UGT1A7: variants seen among roughly 807,000 people sequenced by gnomAD.
UGT1A7 encodes UDP glucuronosyltransferase family 1 member A7.
In UGT1A7, 33 loss-of-function variants were observed where a neutral mutation model predicts 45.6. The ratio of observed to expected loss-of-function variants is 0.72; its 90% CI spans 0.55 to 0.97. The LOEUF (loss-of-function observed/expected upper bound fraction) is 0.97, where lower values mean the gene tolerates loss of function less well. Ranked by LOEUF, UGT1A7 falls within the 50% of genes least tolerant of loss-of-function variation. UGT1A7 has a pLI of 0.00. For synonymous variants in UGT1A7, 274 were observed against 250.6 expected (o/e 1.09, Z -0.88); for missense variants, 684 against 666.2 (o/e 1.03, Z -0.29).
In UGT1A7 at chr2:233,769,590, G is replaced by A; in HGVS notation, c.1295+1151G>A. On this transcript the variant is annotated intron_variant, in intron 4 of 4. Coordinates refer to ENST00000373426, the MANE Select transcript of UGT1A7 (RefSeq NM_019077.3). This position sits in a 1 kb window ranked among gnomAD's most constrained non-coding sequence, Gnocchi z 4.4. Reference sequence around the variant, plus strand: ...GCTGGAGCATGTTCAGATGAGAGGAGACGGAACACGGGGACACACCAGCTT... The same window carrying A: ...GCTGGAGCATGTTCAGATGAGAGGAAACGGAACACGGGGACACACCAGCTT... 6.2e-7 allele frequency: 1 copy of A among 1,612,882 alleles called. No individual in the cohort carries two copies. Among genetic ancestry groups the A allele is most frequent in the African/African-American group, 1.3e-5 (1 of 75,046 alleles).
At chr2:233,717,755 A>G in intron 1 of UGT1A7, 1 of 456,600 alleles carries the variant, frequency 2.2e-6, no homozygotes, top group South Asian at 1.5e-5. Flanking sequence ...CTCCCCCTAG[A>G]AAGGCACACA....
intron 1 of UGT1A7, among the ~76,000 whole-genome samples, chr2:233,711,891 A>G (rs2076202856): frequency 6.6e-6 from 1 of 152,204 alleles, no homozygotes; most frequent in Non-Finnish European, 1.5e-5. Context: ...GACGAGTCTC[A>G]TGGGCGTGAG....
chr2:233,764,867 GCC>G (rs779119414), intron 1 of UGT1A7, among the ~76,000 whole-genome samples: 19,818 of 152,112 alleles, frequency 0.13, 1,414 homozygotes, highest in East Asian at 0.2. Flanking sequence ...TTTTAGATGA[GCC>G]CAAGGGAAAA....
At chr2:233,747,948 G>T in intron 1 of UGT1A7, 1 of 1,613,450 alleles carries the variant, frequency 6.2e-7, no homozygotes, top group South Asian at 1.1e-5. Flanking sequence ...GGTGTCAGTG[G>T]TGGATCTTCT....
At chr2:233,713,944 A>G (rs2076357892) in intron 1 of UGT1A7, 2 of 1,609,792 alleles carry the variant, frequency 1.2e-6, no homozygotes, top group East Asian at 2.2e-5. Flanking sequence ...TTCCATATCT[A>G]CTTATCTTTC....
At position 233,768,743 on chromosome 2, in the gene UGT1A7, C is replaced by T. The variant is rs540797215; in HGVS notation, c.1295+304C>T. Among the ~76,000 whole-genome samples the T allele has an allele frequency of 5.3e-5, 8 of 151,788 alleles. No homozygotes were observed. In the South Asian group the frequency reaches 1.3e-3, roughly 24 times the overall value. On this transcript the variant is annotated intron_variant, in intron 4 of 4. Coordinates refer to ENST00000373426, the MANE Select transcript of UGT1A7 (RefSeq NM_019077.3). ...GATTACAGGTGTCCACCACCACGCC[C>T]GGTTAATTTTTGTATTTTTTAGTAG...
At chr2:233,738,344 C>T (rs187057968) in intron 1 of UGT1A7, among the ~76,000 whole-genome samples, 43 of 152,222 alleles carry the variant, frequency 2.8e-4, no homozygotes, top group African/African-American at 1.0e-3. Flanking sequence ...AAATTGGTGT[C>T]ATGGAGAGTG....
chr2:233,711,003 C>T (rs1366862423), intron 1 of UGT1A7, among the ~76,000 whole-genome samples: 1 of 152,174 alleles, frequency 6.6e-6, no homozygotes, highest in African/African-American at 2.4e-5. Context: ...CTATTGGATG[C>T]CTTTTTCTAT....
intron 1 of UGT1A7, among the ~76,000 whole-genome samples, chr2:233,745,661 A>G (rs1429589845): frequency 6.6e-6 from 1 of 151,454 alleles, no homozygotes; most frequent in East Asian, 1.9e-4. Context: ...CAGTGTGAAC[A>G]AAGCAATTTG....
At chr2:233,719,293 G>C (rs149433426) in intron 1 of UGT1A7, 125 of 1,613,828 alleles carry the variant, frequency 7.7e-5, no homozygotes, top group African/African-American at 2.0e-4. Context: ...AACCTCTGTG[G>C]GGCGGTGCTG....
intron 1 of UGT1A7, among the ~76,000 whole-genome samples, chr2:233,745,915 C>T (rs1264125490): frequency 5.3e-5 from 8 of 151,156 alleles, no homozygotes; most frequent in Admixed American, 5.3e-4. Flanking sequence ...GCAGCTGAGG[C>T]AGTGATTCAG....
rs192599700 is a variant in UGT1A7, at chr2:233,747,215, T to C, written c.856-19819T>C. 3.6e-4 allele frequency: 574 copies of C among 1,605,522 alleles called. 5 individuals are homozygous for C. In the East Asian group the frequency reaches 0.012, roughly 33 times the overall value. On this transcript the variant is annotated intron_variant, in intron 1 of 4. Coordinates refer to ENST00000373426, the MANE Select transcript of UGT1A7 (RefSeq NM_019077.3). ...CAGCTGTCCGTGTCTTCTGCTGAGA[T>C]GGCCACAGGACCCCAGGTTCCCCTG...
chr2:233,718,848 C>A, intron 1 of UGT1A7: 1 of 1,613,708 alleles, frequency 6.2e-7, no homozygotes, highest in Non-Finnish European at 8.5e-7. Flanking sequence ...GGTTCCCCTG[C>A]CGCGGCTGGC....
At position 233,729,155 on chromosome 2, in the gene UGT1A7, C is replaced by T. The variant is rs754518469; in HGVS notation, c.856-37879C>T. The T allele has an allele frequency of 1.4e-5, 23 of 1,613,596 alleles. No homozygotes were observed. The highest frequency in any genetic ancestry group is 5.0e-5 in the Admixed American group (3 of 60,022). On this transcript the variant is annotated intron_variant, in intron 1 of 4. Coordinates refer to ENST00000373426, the MANE Select transcript of UGT1A7 (RefSeq NM_019077.3). ...GCCACAGGACTCCAGGTTCCCCTGC[C>T]GTGGCTGGCCACAGGACTGCTGCTT...
chr2:233,717,187 C>T (rs922401746), intron 1 of UGT1A7, among the ~76,000 whole-genome samples: 12 of 152,214 alleles, frequency 7.9e-5, no homozygotes, highest in Admixed American at 2.6e-4. Flanking sequence ...AGCACCCTCC[C>T]AGGCATGTTC....
chr2:233,697,327 T>C (rs960818625), intron 1 of UGT1A7, among the ~76,000 whole-genome samples: 1 of 152,152 alleles, frequency 6.6e-6, no homozygotes, highest in Non-Finnish European at 1.5e-5. Context: ...TGTTTGGAAA[T>C]GTATCCATTT....
rs753419237 is a variant in UGT1A7, at chr2:233,719,511, T to C, written c.855+36719T>C. The C allele has an allele frequency of 5.6e-6, 9 of 1,613,954 alleles. No individual in the cohort carries two copies. The South Asian group carries it at 8.8e-5, about 16-fold the overall frequency. On this transcript the variant is annotated intron_variant, in intron 1 of 4. Coordinates refer to ENST00000373426, the MANE Select transcript of UGT1A7 (RefSeq NM_019077.3). ...CATTTGCCATACTTTTTCTGCCCCTTATGCAAGTCTTGCCTCTGAGCTTTT... is the reference window on the plus strand; with the variant it reads ...CATTTGCCATACTTTTTCTGCCCCTCATGCAAGTCTTGCCTCTGAGCTTTT...
intron 1 of UGT1A7, among the ~76,000 whole-genome samples, chr2:233,703,752 G>A (rs1363536949): frequency 2.6e-5 from 4 of 151,892 alleles, no homozygotes; most frequent in Admixed American, 1.3e-4. Flanking sequence ...AATCTCAAAT[G>A]TATCTTCTGC....
intron 1 of UGT1A7, chr2:233,693,831 G>A (rs1277400223): frequency 1.2e-6 from 2 of 1,614,178 alleles, no homozygotes; most frequent in Middle Eastern, 1.6e-4. Flanking sequence ...TTCATTGGAG[G>A]TATCAACTGT....
Sources: gnomAD v4.1 joint callset for allele counts (sites outside exome capture counted in the v4.1 genomes callset) on GRCh38, gnomAD v4.1.1 for gene constraint, Gnocchi (gnomAD v3.1) non-coding constraint, MANE v1.5 for transcripts, NCBI Gene and HGNC (gene_info 2026-07-23, HGNC 2026-07-21) for gene names.